SNTG2: variants seen among roughly 807,000 people sequenced by gnomAD.
SNTG2 encodes gamma-2-syntrophin.
A neutral mutation model predicts 70.9 loss-of-function variants in SNTG2; 74 were observed. The ratio of observed to expected loss-of-function variants is 1.04; its 90% CI spans 0.86 to 1.27. SNTG2 has a LOEUF of 1.27. Among genes scored for constraint, SNTG2 ranks in the 50% most tolerant of loss-of-function variants. The pLI is 0.00. For synonymous variants in SNTG2, 278 were observed against 273.8 expected, an observed-to-expected ratio of 1.02 and a Z score of -0.15; for missense variants, 717 against 690.7, an observed-to-expected ratio of 1.04 and a Z score of -0.43.
chr2:1,124,417 C>T (rs1003785366), intron 4 of SNTG2, among the ~76,000 whole-genome samples: 2 of 152,014 alleles, frequency 1.3e-5, no homozygotes, highest in Admixed American at 6.5e-5. Context: ...GCCTCAGCCT[C>T]CTGAGTAGCT....
intron 12 of SNTG2, among the ~76,000 whole-genome samples, chr2:1,248,035 C>CCAT (rs1023764932): frequency 1.3e-5 from 2 of 152,074 alleles, no homozygotes; most frequent in African/African-American, 4.8e-5. Context: ...GAGAGTCTGA[C>CCAT]CATCAGAACT....
intron 4 of SNTG2, among the ~76,000 whole-genome samples, chr2:1,102,961 C>T (rs1665877752): frequency 6.6e-6 from 1 of 152,222 alleles, no homozygotes; most frequent in African/African-American, 2.4e-5. Flanking sequence ...CAGAGCATGA[C>T]AGAGCCAAGA....
chr2:1,000,277 G>A (rs76253231), intron 1 of SNTG2, among the ~76,000 whole-genome samples: 2,334 of 151,490 alleles, frequency 0.015, 22 homozygotes, highest in Non-Finnish European at 0.027. Context: ...AATAAATAAA[G>A]ATAAAAGCAA....
chr2:1,061,274 AATG>A (rs1277474454), intron 1 of SNTG2, among the ~76,000 whole-genome samples: 2 of 152,224 alleles, frequency 1.3e-5, no homozygotes, highest in African/African-American at 4.8e-5. Flanking sequence ...GGGTGGAAAG[AATG>A]ATGATAAACA....
At chr2:1,296,618 C>T (rs1680230923) in intron 14 of SNTG2, among the ~76,000 whole-genome samples, 1 of 152,236 alleles carries the variant, frequency 6.6e-6, no homozygotes, top group African/African-American at 2.4e-5. Flanking sequence ...ACTCAGGGAC[C>T]TCAAGGCATC....
At chr2:1,307,473 A>G (rs960246144) in intron 14 of SNTG2, among the ~76,000 whole-genome samples, 7 of 150,516 alleles carry the variant, frequency 4.7e-5, no homozygotes, top group Non-Finnish European at 1.0e-4. Context: ...GAGAGAGAGA[A>G]GAGAGAGAAG....
At chr2:1,259,012 A>G (rs1234558835) in intron 12 of SNTG2, among the ~76,000 whole-genome samples, 1 of 152,196 alleles carries the variant, frequency 6.6e-6, no homozygotes, top group Non-Finnish European at 1.5e-5. Context: ...ACCCAAAATT[A>G]ATCCCTAATT....
At chr2:1,062,862 G>T (rs1662911773) in intron 1 of SNTG2, among the ~76,000 whole-genome samples, 1 of 152,156 alleles carries the variant, frequency 6.6e-6, no homozygotes, top group Admixed American at 6.5e-5. Context: ...ATATGTGTGT[G>T]TGCATACACA....
intron 1 of SNTG2, among the ~76,000 whole-genome samples, chr2:986,535 A>G (rs1395707104): frequency 2.0e-5 from 3 of 152,204 alleles, no homozygotes; most frequent in Non-Finnish European, 2.9e-5. Flanking sequence ...TTCAGATAAG[A>G]CACATTTGGA....
intron 6 of SNTG2, among the ~76,000 whole-genome samples, chr2:1,148,797 CAAGG>C (rs1669268301): frequency 6.7e-6 from 1 of 149,476 alleles, no homozygotes; most frequent in Non-Finnish European, 1.5e-5. Context: ...GGAATGGAAA[CAAGG>C]AAGTGAGGAG....
chr2:1,103,379 CT>C (rs758261408), intron 4 of SNTG2: 3,771 of 244,980 alleles, frequency 0.015, 30 homozygotes, highest in South Asian at 0.059. Context: ...TTATAAATTT[CT>C]TTTTTTTTTT....
chr2:1,198,000 T>C (rs1673035630), intron 8 of SNTG2, among the ~76,000 whole-genome samples: 1 of 152,150 alleles, frequency 6.6e-6, no homozygotes, highest in Non-Finnish European at 1.5e-5. Flanking sequence ...TTAGACTAAA[T>C]GGATCTAACA....
intron 9 of SNTG2, among the ~76,000 whole-genome samples, chr2:1,227,937 C>T (rs1675904883): frequency 6.6e-6 from 1 of 152,190 alleles, no homozygotes; most frequent in Non-Finnish European, 1.5e-5. Context: ...AGGAAGAGAG[C>T]CTGAGAGGCT....
chr2:1,125,917 A>G lies in SNTG2; in HGVS notation c.326-11705A>G, dbSNP rs182498575. On this transcript the variant is annotated intron_variant, in intron 4 of 16. Transcript: ENST00000308624. ...TTATGGGGTACATAATGATGCTTCA[A>G]TACATACAATTTATAGTGCTCAGAT... 2.6e-3 allele frequency among the ~76,000 whole-genome samples: 392 copies of G among 152,304 alleles called. 3 individuals carry two copies. Among genetic ancestry groups the G allele is most frequent in the South Asian group, 0.013 (61 of 4,826 alleles).
intron 1 of SNTG2, among the ~76,000 whole-genome samples, chr2:981,864 C>A (rs1661111043): frequency 6.6e-6 from 1 of 152,234 alleles, no homozygotes; most frequent in African/African-American, 2.4e-5. Context: ...CACGTCCACA[C>A]AGATGCACAC....
rs192792363 is a variant in SNTG2 at position 983,202 on chromosome 2, G to A, written c.72+32134G>A. 1.9e-3 allele frequency among the ~76,000 whole-genome samples: 282 copies of A among 151,998 alleles called. 2 individuals are homozygous for A. Among genetic ancestry groups the A allele is most frequent in the Non-Finnish European group, 3.2e-3 (219 of 67,968 alleles). ...CTTTTTAGCAGAAGCTGCAGAGGTG[G>A]TGGTCAGGATGCAGAAGCTGCAGAG... is the stretch of plus-strand genomic sequence containing the variant. On this transcript the variant is annotated intron_variant, in intron 1 of 16. Transcript: ENST00000308624.
chr2:954,282 T>C (rs1660073633), intron 1 of SNTG2, among the ~76,000 whole-genome samples: 1 of 152,340 alleles, frequency 6.6e-6, no homozygotes, highest in African/African-American at 2.4e-5. Context: ...CCTCTCTGGC[T>C]CTGGCTTCTC....
chr2:1,263,363 A>G (rs1024070552), intron 13 of SNTG2, among the ~76,000 whole-genome samples: 3 of 152,264 alleles, frequency 2.0e-5, no homozygotes, highest in Admixed American at 6.5e-5. Flanking sequence ...TTATATTAAT[A>G]ATTATTGACA....
At chr2:1,181,790 T>C (rs958001854) in intron 8 of SNTG2, among the ~76,000 whole-genome samples, 12 of 152,218 alleles carry the variant, frequency 7.9e-5, no homozygotes, top group African/African-American at 2.9e-4. Flanking sequence ...CTTTTGTTTC[T>C]AGTTGCCACA....
Sources: gnomAD v4.1 joint callset for allele counts (sites outside exome capture counted in the v4.1 genomes callset) on GRCh38, gnomAD v4.1.1 for gene constraint, MANE v1.5 for transcripts, NCBI Gene and HGNC (gene_info 2026-07-23, HGNC 2026-07-21) for gene names.